Variants in CNTN5 observed in about 807,000 individuals in gnomAD.
CNTN5 encodes contactin-5.
In CNTN5, 77 loss-of-function variants were observed where a neutral mutation model predicts 129.1. That is an observed-to-expected ratio of 0.60 (90% CI 0.50 to 0.72). CNTN5 has a LOEUF of 0.72. Among genes scored for constraint, CNTN5 ranks in the 30% least tolerant of loss-of-function variants. The pLI is 0.00. For synonymous variants in CNTN5, 509 were observed against 465.6 expected (o/e 1.09, Z -1.20); for missense variants, 1,478 against 1,328.8 (o/e 1.11, Z -1.75).
At chr11:99,239,761 C>T (rs1591401822) in intron 1 of CNTN5, among the ~76,000 whole-genome samples, 1 of 151,892 alleles carries the variant, frequency 6.6e-6, no homozygotes, top group South Asian at 2.1e-4. Flanking sequence ...CGGTGAAACC[C>T]CGTCTCTACT....
chr11:99,073,546 C>G (rs549790242), intron 1 of CNTN5, among the ~76,000 whole-genome samples: 5 of 151,898 alleles, frequency 3.3e-5, no homozygotes, highest in Non-Finnish European at 7.4e-5. Context: ...TTTCCCTCCC[C>G]TTGTCCCCCC....
intron 7 of CNTN5, among the ~76,000 whole-genome samples, chr11:99,918,809 T>C (rs1451349216): frequency 6.6e-6 from 1 of 152,150 alleles, no homozygotes; most frequent in Non-Finnish European, 1.5e-5. Context: ...TTATCCTTTG[T>C]TCCTCCCTAT....
chr11:100,181,791 T>C (rs1161601760), intron 13 of CNTN5, among the ~76,000 whole-genome samples: 3 of 151,990 alleles, frequency 2.0e-5, no homozygotes, highest in African/African-American at 7.2e-5. Context: ...AAAATATAGA[T>C]ATAAACCTTT....
At chr11:100,042,426 T>C (rs1430770864) in intron 9 of CNTN5, among the ~76,000 whole-genome samples, 1 of 152,188 alleles carries the variant, frequency 6.6e-6, no homozygotes, top group South Asian at 2.1e-4. Context: ...TATTTTCACA[T>C]CAGATGTAAA....
chr11:99,820,540 T>C (rs1946766921), intron 4 of CNTN5, among the ~76,000 whole-genome samples: 1 of 152,306 alleles, frequency 6.6e-6, no homozygotes, highest in African/African-American at 2.4e-5. Context: ...TCTACCTTTG[T>C]CATTTTTGGA....
At chr11:100,284,708 C>G (rs1210109266) in intron 18 of CNTN5, among the ~76,000 whole-genome samples, 1 of 152,156 alleles carries the variant, frequency 6.6e-6, no homozygotes, top group Non-Finnish European at 1.5e-5. Context: ...AACTACGTAA[C>G]TTGTCATTCA....
At chr11:99,296,842 G>C (rs2135934951) in intron 1 of CNTN5, among the ~76,000 whole-genome samples, 1 of 152,198 alleles carries the variant, frequency 6.6e-6, no homozygotes. Context: ...AATATTTCTG[G>C]CTTTTGAATT....
chr11:99,563,723 C>T (rs1459947445), intron 3 of CNTN5, among the ~76,000 whole-genome samples: 2 of 152,244 alleles, frequency 1.3e-5, no homozygotes, highest in East Asian at 3.9e-4. Context: ...TTAGCAAAGG[C>T]AATGGGAATG....
intron 21 of CNTN5, among the ~76,000 whole-genome samples, chr11:100,321,608 T>C (rs1263638789): frequency 4.6e-5 from 7 of 152,166 alleles, no homozygotes; most frequent in Admixed American, 3.9e-4. Context: ...GGCAAGAGTA[T>C]GCATCCTTGT....
At chr11:99,228,761 T>C (rs78279704) in intron 1 of CNTN5, among the ~76,000 whole-genome samples, 50 of 152,102 alleles carry the variant, frequency 3.3e-4, no homozygotes, top group African/African-American at 1.2e-3. Context: ...TTAATACTGG[T>C]ATTTTGATTA....
chr11:99,128,731 G>A (rs1420224233), intron 1 of CNTN5, among the ~76,000 whole-genome samples: 1 of 152,192 alleles, frequency 6.6e-6, no homozygotes, highest in Non-Finnish European at 1.5e-5. Context: ...GCTGGCATCA[G>A]GTCGGTGCCC....
intron 13 of CNTN5, among the ~76,000 whole-genome samples, chr11:100,100,122 T>C (rs1373814392): frequency 1.3e-5 from 2 of 152,118 alleles, no homozygotes; most frequent in Non-Finnish European, 2.9e-5. Context: ...GGGTTTTAAT[T>C]GGCTGCAGTT....
intron 3 of CNTN5, among the ~76,000 whole-genome samples, chr11:99,556,591 A>C (rs964887749): frequency 2.9e-5 from 4 of 137,500 alleles, no homozygotes; most frequent in African/African-American, 8.1e-5. Flanking sequence ...ATATATATAT[A>C]TATCTCCCAC....
intron 2 of CNTN5, among the ~76,000 whole-genome samples, chr11:99,446,729 G>T (rs1412607637): frequency 6.6e-6 from 1 of 152,172 alleles, no homozygotes; most frequent in Non-Finnish European, 1.5e-5. Context: ...TGCCACCAAA[G>T]ATCTCTTGCC....
At chr11:99,659,571 T>C (rs1330663148) in intron 3 of CNTN5, among the ~76,000 whole-genome samples, 1 of 152,120 alleles carries the variant, frequency 6.6e-6, no homozygotes, top group Non-Finnish European at 1.5e-5. Flanking sequence ...AGCTGGTAAG[T>C]CCAAAATCTG....
chr11:99,291,660 G>A (rs1406997589), intron 1 of CNTN5, among the ~76,000 whole-genome samples: 1 of 151,966 alleles, frequency 6.6e-6, no homozygotes, highest in Non-Finnish European at 1.5e-5. Context: ...TCAGAAAAGT[G>A]AATACTTTGT....
Position 99,845,141 on chromosome 11 carries a change from G to C in CNTN5, c.456G>C (p.Leu152Phe), listed in dbSNP as rs917939019. ...TGGAAAGTGATTATCGCTACAGTTT[G>C]ATAGATGGCACCTTCATTATAAGCA... ...IDLESDYRYSLIDGTFIISNP... is the reference protein window; with the variant it reads ...IDLESDYRYSFIDGTFIISNP... The change falls in exon 6 of 25, where the codon TTG (leucine) becomes TTC (phenylalanine). Residue 152 changes from leucine (L) to phenylalanine (F), a missense_variant. Transcript: ENST00000524871. The C allele has an allele frequency of 2.5e-6, 4 of 1,613,768 alleles. No individual in the cohort carries two copies. Among genetic ancestry groups the C allele is most frequent in the Non-Finnish European group, 3.4e-6 (4 of 1,179,820 alleles).
At chr11:99,551,545 T>G (rs1021732395) in intron 2 of CNTN5, among the ~76,000 whole-genome samples, 23 of 152,192 alleles carry the variant, frequency 1.5e-4, no homozygotes, top group African/African-American at 5.5e-4. Flanking sequence ...GTAGTTGTTA[T>G]TAGGATAGTC....
intron 16 of CNTN5, among the ~76,000 whole-genome samples, chr11:100,239,352 A>T (rs1365809973): frequency 2.0e-5 from 3 of 152,178 alleles, no homozygotes; most frequent in Non-Finnish European, 4.4e-5. Context: ...CGTCATATTT[A>T]GAGGTCATAG....
Sources: allele counts gnomAD v4.1 joint callset (sites outside exome capture counted in the v4.1 genomes callset), GRCh38; gene constraint gnomAD v4.1.1; transcripts MANE v1.5; gene names NCBI Gene and HGNC (gene_info 2026-07-23, HGNC 2026-07-21).